The following CMC1 variants were observed in gnomAD, a reference collection of about 807,000 sequenced individuals.
The protein encoded by CMC1 is COX assembly mitochondrial protein homolog.
Under a neutral mutation model 14.1 loss-of-function variants are expected in CMC1, and 14 were observed. That is an observed-to-expected ratio of 0.99 (90% confidence interval 0.66 to 1.55). CMC1 has a LOEUF of 1.55. Among genes scored for constraint, CMC1 ranks in the 40% most tolerant of loss-of-function variants. The pLI, the probability that CMC1 is intolerant of heterozygous loss-of-function variation, is 0.00. For missense variants in CMC1, 127 were observed against 123.8 expected (o/e 1.03, Z -0.12); for synonymous variants, 50 against 38.4 (o/e 1.30, Z -1.12).
At chr3:28,274,416 C>G (rs1700472689) in intron 2 of CMC1, among the ~76,000 whole-genome samples, 1 of 151,930 alleles carries the variant, frequency 6.6e-6, no homozygotes, top group South Asian at 2.1e-4. Flanking sequence ...AAATTCTTTT[C>G]TTTAAGAATA....
chr3:28,285,149 T>G (rs1196045033), intron 2 of CMC1, among the ~76,000 whole-genome samples: 1 of 152,196 alleles, frequency 6.6e-6, no homozygotes, highest in Admixed American at 6.5e-5. Context: ...AAGAAAATGA[T>G]TGTGACATGG....
Position 28,316,408 on chromosome 3 carries a change from A to T in CMC1, c.185A>T (p.Glu62Val), listed in dbSNP as rs538233815. The T allele has an allele frequency of 1.7e-5, 27 of 1,591,556 alleles. No homozygotes were observed. The South Asian group carries it at 3.1e-4, about 18-fold the overall frequency. ...CGGAAAGAAAATTCTGCATTGAAAG[A>T]ATGTCTAACTGCTTAGTAAGTAGTT... ...KCRKENSALK[E>V]CLTAYYNDPA... The change falls in exon 3 of 4, where the codon GAA becomes GTA. Residue 62 changes from glutamate to valine, a missense_variant. Transcript: ENST00000466830.
At chr3:28,295,888 G>T (rs2125561673) in intron 2 of CMC1, among the ~76,000 whole-genome samples, 1 of 152,046 alleles carries the variant, frequency 6.6e-6, no homozygotes, top group South Asian at 2.1e-4. Context: ...ATTTATTGGG[G>T]GGGAAAAACC....
chr3:28,272,048 G>A (rs1260006716), intron 2 of CMC1, among the ~76,000 whole-genome samples: 1 of 152,144 alleles, frequency 6.6e-6, no homozygotes, highest in Non-Finnish European at 1.5e-5. Flanking sequence ...GTATAGGAAT[G>A]CTTGTGATTT....
At chr3:28,257,001 G>A (rs1472809056) in intron 1 of CMC1, among the ~76,000 whole-genome samples, 2 of 152,138 alleles carry the variant, frequency 1.3e-5, no homozygotes, top group Non-Finnish European at 2.9e-5. Flanking sequence ...TTTATGGAAA[G>A]ATATATTTAC....
intron 2 of CMC1, among the ~76,000 whole-genome samples, chr3:28,274,212 G>GTTTTTTTTGTTTTTTTT (rs376321066): frequency 7.9e-5 from 7 of 88,178 alleles, no homozygotes; most frequent in African/African-American, 3.4e-4. Context: ...AAGTGTTTTT[G>GTTTTTTTTGTTTTTTTT]TTTTTTTCTT....
intron 1 of CMC1, among the ~76,000 whole-genome samples, chr3:28,255,678 T>A (rs2125442527): frequency 6.9e-6 from 1 of 144,718 alleles, no homozygotes; most frequent in Non-Finnish European, 1.5e-5. Context: ...GTTAGTAACA[T>A]TTTTGAAACG....
At chr3:28,249,024 T>C (rs1052950200) in intron 1 of CMC1, among the ~76,000 whole-genome samples, 3 of 152,208 alleles carry the variant, frequency 2.0e-5, no homozygotes, top group Admixed American at 6.5e-5. Flanking sequence ...TCTCCTGACC[T>C]TGTGATCTGC....
chr3:28,246,818 T>TTA (rs1698854188), intron 1 of CMC1, among the ~76,000 whole-genome samples: 1 of 149,140 alleles, frequency 6.7e-6, no homozygotes, highest in African/African-American at 2.5e-5. Flanking sequence ...TTTTTTTTTT[T>TTA]ACCTGATTCA....
chr3:28,252,241 G>A (rs1699167260), intron 1 of CMC1, among the ~76,000 whole-genome samples: 2 of 152,274 alleles, frequency 1.3e-5, no homozygotes, highest in South Asian at 4.1e-4. Flanking sequence ...GGCACATCTA[G>A]TGTGAACAAG....
intron 1 of CMC1, among the ~76,000 whole-genome samples, chr3:28,243,131 C>G (rs75831154): frequency 0.16 from 24,687 of 152,010 alleles, 2,597 homozygotes; most frequent in East Asian, 0.48. Context: ...TCTCGGCTCA[C>G]TGTAGCCTCC....
intron 1 of CMC1, among the ~76,000 whole-genome samples, chr3:28,262,345 T>TA (rs1699774840): frequency 6.6e-6 from 1 of 152,148 alleles, no homozygotes; most frequent in Non-Finnish European, 1.5e-5. Context: ...AATAATAATC[T>TA]AAAATCTTCT....
At position 28,319,822 on chromosome 3, in the gene CMC1, G is replaced by A. The variant is rs1176933691; in HGVS notation, c.*193G>A. 1 of 446,418 alleles carries A rather than the reference G, an allele frequency of 2.2e-6. No homozygotes were observed. The highest frequency in any genetic ancestry group is 4.0e-6 in the Non-Finnish European group (1 of 252,630). 27.7% of individuals were successfully genotyped at this position (446,418 alleles called of 1,614,324 possible). On this transcript the variant is annotated 3_prime_UTR_variant, in exon 4 of 4. Transcript: ENST00000466830. ...GGAGTAGTTACTGAATTGGGATATG[G>A]TTTTCCTGGTCATTCTGGACCTTTT...
intron 1 of CMC1, among the ~76,000 whole-genome samples, chr3:28,259,360 C>T (rs1266276726): frequency 6.6e-6 from 1 of 151,966 alleles, no homozygotes; most frequent in African/African-American, 2.4e-5. Flanking sequence ...ACCCGCAGTG[C>T]ATAAACATAT....
chr3:28,315,301 C>T (rs1485353489), intron 2 of CMC1: 1 of 152,238 alleles, frequency 6.6e-6, no homozygotes, highest in East Asian at 1.9e-4. Context: ...CCAGGCTTTT[C>T]TGGGTTTGTG....
intron 3 of CMC1, chr3:28,316,917 G>T (rs1026960873): frequency 1.3e-5 from 2 of 151,872 alleles, no homozygotes; most frequent in African/African-American, 4.8e-5. Flanking sequence ...TTATAATATC[G>T]TGTTCACTAA....
At position 28,281,134 on chromosome 3, in the gene CMC1, C is replaced by T. The variant is rs139978619; in HGVS notation, c.109+17754C>T. Among the ~76,000 whole-genome samples, 33 of 152,214 alleles carry T rather than the reference C, an allele frequency of 2.2e-4. No individual in the cohort carries two copies. The East Asian group carries it at 5.2e-3, about 24-fold the overall frequency. ...AAGGCTTGCCTAAATTAACTAATTC[C>T]GTAAATTTATGAATACTTACCATGT... On this transcript the variant is annotated intron_variant, in intron 2 of 3. Coordinates refer to ENST00000466830, the MANE Select transcript of CMC1 (RefSeq NM_182523.2).
chr3:28,275,642 T>G (rs1306970268), intron 2 of CMC1, among the ~76,000 whole-genome samples: 1 of 152,148 alleles, frequency 6.6e-6, no homozygotes, highest in African/African-American at 2.4e-5. Context: ...TGCCCCTTGG[T>G]GCAGGGCATG....
intron 1 of CMC1, among the ~76,000 whole-genome samples, chr3:28,248,345 A>G (rs1698935294): frequency 6.6e-6 from 1 of 152,206 alleles, no homozygotes; most frequent in African/African-American, 2.4e-5. Context: ...CCAGGGAGGT[A>G]GTGTACTGTT....
Sources: allele counts gnomAD v4.1 joint callset (sites outside exome capture counted in the v4.1 genomes callset), GRCh38; gene constraint gnomAD v4.1.1; transcripts MANE v1.5; gene names NCBI Gene and HGNC (gene_info 2026-07-23, HGNC 2026-07-21).